The following CPXM2 variants were observed in gnomAD, a reference collection of about 807,000 sequenced individuals.
The protein encoded by CPXM2 is carboxypeptidase X, M14 family member 2, also known as inactive carboxypeptidase-like protein X2.
Under a neutral mutation model 86.1 loss-of-function variants are expected in CPXM2, and 66 were observed. The ratio of observed to expected loss-of-function variants is 0.77; its 90% CI spans 0.63 to 0.94. The LOEUF (loss-of-function observed/expected upper bound fraction) is 0.94. CPXM2 is among the 40% of genes least tolerant of loss of function. CPXM2 has a pLI of 0.00. For synonymous variants in CPXM2, 388 were observed against 400.2 expected (o/e 0.97, Z 0.36); for missense variants, 948 against 1,026.3 (o/e 0.92, Z 1.04).
chr10:123,809,711 A>G (rs561589313), intron 4 of CPXM2, among the ~76,000 whole-genome samples: 1 of 152,090 alleles, frequency 6.6e-6, no homozygotes, highest in Non-Finnish European at 1.5e-5. Context: ...GTATCCTATT[A>G]TTGTTAAGGA....
chr10:123,829,972 A>T (rs2134129191), intron 4 of CPXM2, among the ~76,000 whole-genome samples: 1 of 151,486 alleles, frequency 6.6e-6, no homozygotes, highest in East Asian at 1.9e-4. Flanking sequence ...AAAAAGCTTG[A>T]TATGTTACAT....
At chr10:123,786,939 A>G (rs1013411382) in intron 6 of CPXM2, among the ~76,000 whole-genome samples, 10 of 152,166 alleles carry the variant, frequency 6.6e-5, no homozygotes, top group African/African-American at 2.4e-4. Flanking sequence ...CCCTTCTTGT[A>G]AGGAAAATGT....
At chr10:123,911,819 A>G (rs1945490399) in intron 2 of CPXM2, among the ~76,000 whole-genome samples, 1 of 151,828 alleles carries the variant, frequency 6.6e-6, no homozygotes, top group African/African-American at 2.4e-5. Context: ...CATTCCTGCC[A>G]CCCTGCAGGG....
At chr10:123,867,598 AT>A (rs1404529831) in intron 2 of CPXM2, among the ~76,000 whole-genome samples, 1 of 130,980 alleles carries the variant, frequency 7.6e-6, no homozygotes, top group Non-Finnish European at 1.5e-5. Context: ...CAATGGTGCG[AT>A]TTTGCTCACC....
At chr10:123,847,130 GAT>G (rs1848510458) in intron 3 of CPXM2, among the ~76,000 whole-genome samples, 1 of 152,168 alleles carries the variant, frequency 6.6e-6, no homozygotes, top group Non-Finnish European at 1.5e-5. Flanking sequence ...GGAAAGGGGT[GAT>G]AAAAATGGGT....
chr10:123,758,734 T>C (rs1846269440), intron 11 of CPXM2, among the ~76,000 whole-genome samples: 1 of 152,188 alleles, frequency 6.6e-6, no homozygotes, highest in Non-Finnish European at 1.5e-5. Flanking sequence ...TTGAACAGGA[T>C]GATGATTAGC....
chr10:123,912,362 T>G (rs1378139310), intron 2 of CPXM2, among the ~76,000 whole-genome samples: 1 of 147,092 alleles, frequency 6.8e-6, no homozygotes, highest in Non-Finnish European at 1.5e-5. Context: ...AGCTACCCAC[T>G]GTAACCCACT....
rs544881938 is a variant in CPXM2 at position 123,812,778 on chromosome 10, T to C, written c.654-13579A>G. ...TTGCATGCTCCTTATGAGAATCTAA[T>C]GCGTGATGATCTGAAGTGGAACAGT... On this transcript the variant is annotated intron_variant, in intron 4 of 13. Transcript: ENST00000241305. Among the ~76,000 whole-genome samples, 16 of 152,308 alleles carry C rather than the reference T, an allele frequency of 1.1e-4. No individual in the cohort carries two copies. In the South Asian group the frequency reaches 2.9e-3, roughly 28 times the overall value.
At chr10:123,794,036 A>G (rs768739117) in intron 6 of CPXM2, among the ~76,000 whole-genome samples, 4 of 152,184 alleles carry the variant, frequency 2.6e-5, no homozygotes, top group African/African-American at 4.8e-5. Flanking sequence ...ACCAGTGAAC[A>G]TGGGCTGGGA....
chr10:123,756,313 C>T (rs1896376), intron 12 of CPXM2, among the ~76,000 whole-genome samples: 6,958 of 152,240 alleles, frequency 0.046, 200 homozygotes, highest in South Asian at 0.13. Context: ...GTAGTCTGTT[C>T]CTTAGTGGGG....
intron 4 of CPXM2, among the ~76,000 whole-genome samples, chr10:123,832,997 C>T (rs767379831): frequency 4.6e-5 from 7 of 152,188 alleles, no homozygotes; most frequent in East Asian, 3.9e-4. Context: ...AGCAACAAGG[C>T]GCCATCTGGG....
chr10:123,826,503 A>G (rs1590041310), intron 4 of CPXM2, among the ~76,000 whole-genome samples: 1 of 152,202 alleles, frequency 6.6e-6, no homozygotes, highest in Non-Finnish European at 1.5e-5. Flanking sequence ...CTAAAATTGG[A>G]AGGAGGAGTA....
At chr10:123,872,094 T>G (rs1198811457) in intron 2 of CPXM2, among the ~76,000 whole-genome samples, 1 of 152,238 alleles carries the variant, frequency 6.6e-6, no homozygotes, top group Non-Finnish European at 1.5e-5. Context: ...TTTCATTCAC[T>G]GCTGGTAGAA....
chr10:123,943,659 G>C (rs1375231296), upstream of CPXM2, among the ~76,000 whole-genome samples: 3 of 152,244 alleles, frequency 2.0e-5, no homozygotes, highest in African/African-American at 7.2e-5. Flanking sequence ...TACCTGTAGA[G>C]CTGAGCCAGG....
intron 4 of CPXM2, among the ~76,000 whole-genome samples, chr10:123,818,107 G>A (rs190262334): frequency 5.9e-5 from 9 of 152,314 alleles, no homozygotes; most frequent in Admixed American, 1.3e-4. Context: ...GTCAAAAACT[G>A]TGAAGATATT....
intron 12 of CPXM2, among the ~76,000 whole-genome samples, chr10:123,755,628 G>C (rs1357488439): frequency 6.6e-6 from 1 of 152,170 alleles, no homozygotes; most frequent in Non-Finnish European, 1.5e-5. Flanking sequence ...AGAGGGAAAA[G>C]AAACAATTCA....
At chr10:123,844,997 G>A (rs891896199) in intron 3 of CPXM2, among the ~76,000 whole-genome samples, 4 of 151,358 alleles carry the variant, frequency 2.6e-5, no homozygotes, top group Admixed American at 2.6e-4. Flanking sequence ...GAACCGGGGG[G>A]CAGAGGCTGC....
chr10:123,909,470 G>A (rs1022915250), intron 2 of CPXM2, among the ~76,000 whole-genome samples: 1 of 152,226 alleles, frequency 6.6e-6, no homozygotes, highest in Non-Finnish European at 1.5e-5. Context: ...TATTCCACAA[G>A]GCTCCACCTG....
intron 2 of CPXM2, among the ~76,000 whole-genome samples, chr10:123,932,989 GA>G (rs1161634731): frequency 2.0e-5 from 3 of 152,210 alleles, no homozygotes; most frequent in African/African-American, 7.2e-5. Context: ...CTGTCCACTA[GA>G]GTTGGGCCCT....
Sources: gnomAD v4.1 joint callset for allele counts (sites outside exome capture counted in the v4.1 genomes callset) on GRCh38, gnomAD v4.1.1 for gene constraint, MANE v1.5 for transcripts, NCBI Gene and HGNC (gene_info 2026-07-23, HGNC 2026-07-21) for gene names.